RNF220: variants seen among roughly 807,000 people sequenced by gnomAD.
RNF220 encodes the protein ring finger protein 220.
Under a neutral mutation model 67.1 loss-of-function variants are expected in RNF220, and 7 were observed. The observed-to-expected ratio is 0.10, with a 90% CI of 0.06 to 0.20. RNF220 has a LOEUF of 0.20. Among genes scored for constraint, RNF220 ranks in the 10% least tolerant of loss-of-function variants. The probability of loss-of-function intolerance (pLI) is 1.00; values close to 1 mark genes in which losing one functional copy is unlikely to be tolerated. For synonymous variants in RNF220, 270 were observed against 283.2 expected, an observed-to-expected ratio of 0.95 and a Z score of 0.47; for missense variants, 565 against 740.3, an observed-to-expected ratio of 0.76 and a Z score of 2.75.
At chr1:44,567,817 A>G (rs1337489049) in intron 2 of RNF220, among the ~76,000 whole-genome samples, 1 of 152,060 alleles carries the variant, frequency 6.6e-6, no homozygotes, top group Admixed American at 6.5e-5. Context: ...CATGAAACTC[A>G]GTGTACCAGG....
intron 12 of RNF220, among the ~76,000 whole-genome samples, chr1:44,646,766 T>A (rs1046428998): frequency 6.6e-6 from 1 of 152,150 alleles, no homozygotes; most frequent in South Asian, 2.1e-4. Flanking sequence ...TAGGCAGGGA[T>A]CTCTATGATG....
intron 2 of RNF220, among the ~76,000 whole-genome samples, chr1:44,610,904 C>A (rs147373706): frequency 6.6e-6 from 1 of 152,162 alleles, no homozygotes; most frequent in African/African-American, 2.4e-5. Context: ...CCATCCCCAG[C>A]GGTTTTTATG....
intron 1 of RNF220, among the ~76,000 whole-genome samples, chr1:44,409,364 G>T (rs529979936): frequency 6.6e-5 from 10 of 152,334 alleles, no homozygotes; most frequent in African/African-American, 2.4e-4. Flanking sequence ...ATTCAACAAA[G>T]ACTTTTTGCA....
At chr1:44,459,078 G>T (rs919293081) in intron 2 of RNF220, among the ~76,000 whole-genome samples, 1 of 152,154 alleles carries the variant, frequency 6.6e-6, no homozygotes, top group Admixed American at 6.6e-5. Context: ...CACCAAAAAA[G>T]AGAATGTTCC....
chr1:44,500,567 A>G (rs1046656370), intron 2 of RNF220, among the ~76,000 whole-genome samples: 2 of 152,186 alleles, frequency 1.3e-5, no homozygotes, highest in Non-Finnish European at 2.9e-5. Flanking sequence ...TGTTTCCCCA[A>G]TGAGCGTGTA....
In RNF220 at chr1:44,424,450, T is replaced by C. The variant is rs1215491022; in HGVS notation, c.625+11728T>C. 2.6e-5 allele frequency among the ~76,000 whole-genome samples: 4 copies of C among 152,110 alleles called. 1 individual carries two copies. Among genetic ancestry groups the C allele is most frequent in the Non-Finnish European group, 5.9e-5 (4 of 68,004 alleles). ...GCAAGTAGCCATCCTAGGTGATTCTTGTTTTCCTTAAGGTTTAGGAATCAC... is the reference window on the plus strand; with the variant it reads ...GCAAGTAGCCATCCTAGGTGATTCTCGTTTTCCTTAAGGTTTAGGAATCAC... On this transcript the variant is annotated intron_variant, in intron 2 of 14. Coordinates refer to ENST00000361799, the MANE Select transcript of RNF220 (RefSeq NM_018150.4).
At chr1:44,527,938 A>AG (rs56413932) in intron 2 of RNF220, among the ~76,000 whole-genome samples, 2,676 of 109,834 alleles carry the variant, frequency 0.024, 135 homozygotes, top group African/African-American at 0.064. Context: ...AAAAAAAAAA[A>AG]AAAAAAAAAA....
chr1:44,555,065 C>A (rs1222752713), intron 2 of RNF220, among the ~76,000 whole-genome samples: 1 of 152,112 alleles, frequency 6.6e-6, no homozygotes, highest in African/African-American at 2.4e-5. Context: ...GTCTCCTTAG[C>A]ATAGCACTCA....
chr1:44,445,098 C>T (rs543324312), intron 2 of RNF220, among the ~76,000 whole-genome samples: 4 of 152,140 alleles, frequency 2.6e-5, no homozygotes, highest in South Asian at 4.2e-4. Flanking sequence ...TCTACATTCC[C>T]GTGGTTACTG....
chr1:44,563,025 A>G (rs570976772), intron 2 of RNF220, among the ~76,000 whole-genome samples: 1 of 152,348 alleles, frequency 6.6e-6, no homozygotes, highest in Non-Finnish European at 1.5e-5. Flanking sequence ...ACCAAAAAAC[A>G]TGGTAATAAA....
chr1:44,650,321 C>A lies in RNF220; in HGVS notation c.1629+364C>A. 2.1e-6 allele frequency: 1 copy of A among 485,458 alleles called. No individual in the cohort carries two copies. Among genetic ancestry groups the A allele is most frequent in the South Asian group, 2.5e-5 (1 of 40,508 alleles). 30.1% of individuals were successfully genotyped at this position (485,458 alleles called of 1,614,324 possible). A position where few individuals can be genotyped will look rare whatever the true frequency, so the allele number is the denominator to read the frequency against. On this transcript the variant is annotated intron_variant, in intron 14 of 14. Transcript: ENST00000361799. The surrounding 1 kb of genome is among the most constrained non-coding windows in gnomAD (Gnocchi z 4.3). ...CTCCCATTACTAAGCTCCTTCTGCT[C>A]CTGCCCCTGTTCTTCGCTCAGGAGC...
intron 12 of RNF220, among the ~76,000 whole-genome samples, chr1:44,647,315 G>A (rs549855099): frequency 6.6e-6 from 1 of 152,308 alleles, no homozygotes; most frequent in South Asian, 2.1e-4. Context: ...GGAGTGGAAG[G>A]GAGCACAGCT....
At chr1:44,418,560 C>G (rs1402858727) in intron 2 of RNF220, among the ~76,000 whole-genome samples, 1 of 151,940 alleles carries the variant, frequency 6.6e-6, no homozygotes, top group East Asian at 1.9e-4. Flanking sequence ...TTCTGGAACT[C>G]TTCCCACGGG....
At chr1:44,564,840 G>A (rs1663866651) in intron 2 of RNF220, among the ~76,000 whole-genome samples, 1 of 152,004 alleles carries the variant, frequency 6.6e-6, no homozygotes, top group Non-Finnish European at 1.5e-5. Context: ...CATGTGCTCA[G>A]GGGGAACCTT....
At chr1:44,635,502 C>A in intron 6 of RNF220, 43 bp from the exon 7 acceptor site, 2 of 1,603,816 alleles carry the variant, frequency 1.2e-6, no homozygotes, top group Non-Finnish European at 8.5e-7. Context: ...GCTGCAGTGA[C>A]CGTCTGCTTG....
At chr1:44,453,496 C>T (rs919426712) in intron 2 of RNF220, among the ~76,000 whole-genome samples, 1 of 151,844 alleles carries the variant, frequency 6.6e-6, no homozygotes, top group Non-Finnish European at 1.5e-5. Flanking sequence ...TTCCTGCTTG[C>T]CTCTTAAAAT....
At chr1:44,529,848 C>T (rs182933253) in intron 2 of RNF220, among the ~76,000 whole-genome samples, 3 of 151,922 alleles carry the variant, frequency 2.0e-5, no homozygotes, top group Non-Finnish European at 2.9e-5. Flanking sequence ...CTCAGGAGTT[C>T]GAGATCAGCC....
Position 44,600,414 on chromosome 1 carries a change from T to C in RNF220, c.626-13751T>C, listed in dbSNP as rs907953572. Among the ~76,000 whole-genome samples, 2 of 152,192 alleles carry C rather than the reference T, an allele frequency of 1.3e-5. No homozygotes were observed. Among genetic ancestry groups the C allele is most frequent in the African/African-American group, 4.8e-5 (2 of 41,452 alleles). On this transcript the variant is annotated intron_variant, in intron 2 of 14. Coordinates refer to ENST00000361799, the MANE Select transcript of RNF220 (RefSeq NM_018150.4). This position sits in a 1 kb window ranked among gnomAD's most constrained non-coding sequence, Gnocchi z 4.0. ...CAGCAGAATAGCGTGACTAAGAGCA[T>C]GCATGGGGCTGTGGTATTACATAAG...
intron 2 of RNF220, among the ~76,000 whole-genome samples, chr1:44,496,458 T>C (rs773902061): frequency 3.3e-5 from 5 of 152,218 alleles, no homozygotes; most frequent in Non-Finnish European, 5.9e-5. Flanking sequence ...CTGAACAGCT[T>C]TGGCTAAAGA....
Sources: allele counts gnomAD v4.1 joint callset (sites outside exome capture counted in the v4.1 genomes callset), GRCh38; gene constraint gnomAD v4.1.1; non-coding constraint Gnocchi (gnomAD v3.1); transcripts MANE v1.5; gene names NCBI Gene and HGNC (gene_info 2026-07-23, HGNC 2026-07-21).